Variants in SLC29A3 observed in about 807,000 individuals in gnomAD.
SLC29A3 encodes equilibrative nucleoside transporter 3.
In SLC29A3, 18 loss-of-function variants were observed where a neutral mutation model predicts 25.4. The observed-to-expected ratio is 0.71, with a 90% CI of 0.49 to 1.05. SLC29A3 has a LOEUF of 1.05. Ranked by LOEUF, SLC29A3 falls within the 50% of genes least tolerant of loss-of-function variation. SLC29A3 has a pLI of 0.00. For missense variants in SLC29A3, 586 were observed against 609.0 expected (o/e 0.96, Z 0.40); for synonymous variants, 258 against 267.1 (o/e 0.97, Z 0.33).
intron 3 of SLC29A3, among the ~76,000 whole-genome samples, chr10:71,372,258 TCTTA>T (rs1847217386): frequency 6.6e-6 from 1 of 152,172 alleles, no homozygotes; most frequent in African/African-American, 2.4e-5. Context: ...GAATGCATAA[TCTTA>T]CTTAATCCAT....
intron 2 of SLC29A3, among the ~76,000 whole-genome samples, chr10:71,336,573 G>GC (rs1203479228): frequency 6.6e-6 from 1 of 151,064 alleles, no homozygotes; most frequent in East Asian, 2.0e-4. Context: ...AGTTAAAGTA[G>GC]TTTTTTTTTC....
At chr10:71,338,298 A>T (rs1409628114) in intron 2 of SLC29A3, among the ~76,000 whole-genome samples, 1 of 152,238 alleles carries the variant, frequency 6.6e-6, no homozygotes, top group Middle Eastern at 3.2e-3. Context: ...TAACTGACAG[A>T]GGTGGGGGCT....
At chr10:71,329,463 A>AG (rs1235282748) in intron 2 of SLC29A3, among the ~76,000 whole-genome samples, 1 of 151,934 alleles carries the variant, frequency 6.6e-6, no homozygotes, top group African/African-American at 2.4e-5. Context: ...GTCTCAAAAA[A>AG]AAAAAAAAAA....
chr10:71,370,348 G>A (rs1230650150), intron 3 of SLC29A3, among the ~76,000 whole-genome samples: 1 of 152,142 alleles, frequency 6.6e-6, no homozygotes, highest in Non-Finnish European at 1.5e-5. Flanking sequence ...CCTAGAGCTG[G>A]TGGGGCCCTG....
At chr10:71,357,409 C>T (rs985814238) in intron 5 of SLC29A3, among the ~76,000 whole-genome samples, 1 of 150,708 alleles carries the variant, frequency 6.6e-6, no homozygotes, top group Admixed American at 6.6e-5. Flanking sequence ...AGCAAGCCTC[C>T]ATCTCAAAAA....
intron 5 of SLC29A3, among the ~76,000 whole-genome samples, chr10:71,361,614 A>AT (rs1215709631): frequency 3.9e-5 from 6 of 152,188 alleles, no homozygotes; most frequent in African/African-American, 1.4e-4. Context: ...AGAAATCTGC[A>AT]TTTTTAATAC....
At chr10:71,377,573 G>A (rs538201075) in intron 4 of SLC29A3, among the ~76,000 whole-genome samples, 45 of 152,342 alleles carry the variant, frequency 3.0e-4, no homozygotes, top group Non-Finnish European at 6.2e-4. Context: ...CGGCAACGAG[G>A]TGGACGCCCA....
At chr10:71,359,512 C>A (rs182164145) in intron 5 of SLC29A3, among the ~76,000 whole-genome samples, 2 of 152,186 alleles carry the variant, frequency 1.3e-5, no homozygotes, top group Non-Finnish European at 2.9e-5. Flanking sequence ...TATTCCTTTC[C>A]GTAGATAGCG....
chr10:71,347,828 T>C (rs1018062934), intron 3 of SLC29A3, among the ~76,000 whole-genome samples: 1 of 152,192 alleles, frequency 6.6e-6, no homozygotes, highest in Admixed American at 6.5e-5. Context: ...CCAACTTTCC[T>C]GCCCTGGGGG....
chr10:71,350,282 T>C (rs1277126400), intron 3 of SLC29A3, among the ~76,000 whole-genome samples: 3 of 151,822 alleles, frequency 2.0e-5, no homozygotes, highest in Non-Finnish European at 4.4e-5. Context: ...AAAATTCCTT[T>C]CTTGCTTTTC....
intron 5 of SLC29A3, among the ~76,000 whole-genome samples, chr10:71,359,021 A>G (rs939212360): frequency 2.0e-5 from 3 of 152,028 alleles, no homozygotes; most frequent in Non-Finnish European, 4.4e-5. Flanking sequence ...AGCGATCCTC[A>G]AGTTAGCCTC....
At chr10:71,356,301 T>G (rs1383917480) in intron 5 of SLC29A3, 58 bp downstream of exon 5, 1 of 1,593,434 alleles carries the variant, frequency 6.3e-7, no homozygotes, top group Admixed American at 1.7e-5. Context: ...ATAGCCATGC[T>G]TCTTTTTCTC....
intron 2 of SLC29A3, among the ~76,000 whole-genome samples, chr10:71,336,412 G>A (rs1272313522): frequency 6.6e-6 from 1 of 152,080 alleles, no homozygotes; most frequent in Non-Finnish European, 1.5e-5. Context: ...TTGGTTACAG[G>A]TGGGCTGCGA....
chr10:71,379,154 G>A (rs1238096639), intron 4 of SLC29A3, among the ~76,000 whole-genome samples: 2 of 152,234 alleles, frequency 1.3e-5, no homozygotes, highest in African/African-American at 2.4e-5. Context: ...TTGAATCCAG[G>A]TCTGAGTCCA....
Position 71,319,271 on chromosome 10 carries a change from C to G in SLC29A3, c.-39C>G, listed in dbSNP as rs773555732. 1.6e-6 allele frequency: 1 copy of G among 618,218 alleles called. No homozygotes were observed. The highest frequency in any genetic ancestry group is 2.9e-6 in the Non-Finnish European group (1 of 344,672). 38.3% of individuals were successfully genotyped at this position (618,218 alleles called of 1,614,324 possible). On this transcript the variant is annotated 5_prime_UTR_variant, in exon 1 of 6. Coordinates refer to ENST00000373189, the MANE Select transcript of SLC29A3 (RefSeq NM_018344.6). ...GCCTGCCAAGCCCAGTGGTCCTGGC[C>G]GTGCGCCGGAGGCAGCGGCGGCGTG...
At chr10:71,329,048 C>T (rs1846053076) in intron 2 of SLC29A3, among the ~76,000 whole-genome samples, 1 of 152,184 alleles carries the variant, frequency 6.6e-6, no homozygotes, top group African/African-American at 2.4e-5. Context: ...TTACCAAGTC[C>T]CTGCCATGCA....
chr10:71,333,534 A>T (rs1846170308), intron 2 of SLC29A3, among the ~76,000 whole-genome samples: 1 of 152,194 alleles, frequency 6.6e-6, no homozygotes, highest in African/African-American at 2.4e-5. Context: ...AAGGTTTTCT[A>T]CTACAGAGAG....
chr10:71,331,146 G>A (rs1846108692), intron 2 of SLC29A3, among the ~76,000 whole-genome samples: 1 of 152,188 alleles, frequency 6.6e-6, no homozygotes, highest in Admixed American at 6.5e-5. Context: ...CTTAAAAAAA[G>A]AAAACTCCAC....
At chr10:71,365,378 GCT>G (rs1200596946), downstream of SLC29A3, 9 of 152,478 alleles carry the variant, frequency 5.9e-5, no homozygotes, top group Admixed American at 5.9e-4. Context: ...GGTCTCTCAT[GCT>G]CTGTTGTAGG....
Sources: allele counts gnomAD v4.1 joint callset (sites outside exome capture counted in the v4.1 genomes callset), GRCh38; gene constraint gnomAD v4.1.1; transcripts MANE v1.5; gene names NCBI Gene and HGNC (gene_info 2026-07-23, HGNC 2026-07-21).